Variants in FKBP5 observed in about 807,000 individuals in gnomAD.
The protein encoded by FKBP5 is peptidyl-prolyl cis-trans isomerase FKBP5.
In FKBP5, 23 loss-of-function variants were observed where a neutral mutation model predicts 50.5. The ratio of observed to expected loss-of-function variants is 0.46; its 90% CI spans 0.33 to 0.65. The LOEUF (loss-of-function observed/expected upper bound fraction) is 0.65, where lower values mean the gene tolerates loss of function less well. FKBP5 is among the 30% of genes least tolerant of loss of function. FKBP5 has a pLI of 0.02. For synonymous variants in FKBP5, 176 were observed against 190.6 expected (o/e 0.92, Z 0.63); for missense variants, 411 against 553.1 (o/e 0.74, Z 2.58).
chr6:35,577,335 T>A, intron 9 of FKBP5, 102 bp from the exon 10 acceptor site: 2 of 1,090,936 alleles, frequency 1.8e-6, no homozygotes, highest in Admixed American at 2.5e-5. Context: ...AAAGTGTATT[T>A]AAAAAAATGG....
At chr6:35,623,752 CTT>C (rs781042802) in intron 3 of FKBP5, among the ~76,000 whole-genome samples, 23 of 141,952 alleles carry the variant, frequency 1.6e-4, no homozygotes, top group Admixed American at 1.4e-4. Context: ...TTTTCTTCTT[CTT>C]TTTTTTTTTT....
At chr6:35,691,130 C>T (rs966053228), upstream of FKBP5, among the ~76,000 whole-genome samples, 1 of 152,194 alleles carries the variant, frequency 6.6e-6, no homozygotes, top group Non-Finnish European at 1.5e-5. Flanking sequence ...CAGTGACATA[C>T]ACGTAACATG....
In FKBP5 at chr6:35,622,532, G is replaced by GT. The variant is rs540343625; in HGVS notation, c.251-2259dup. ...TCTCTTAAAAAAAAAAAAAAATCAA[G>GT]TAATACATGCCTATTATTAAAACAC... On this transcript the variant is annotated intron_variant, in intron 3 of 10. Coordinates refer to ENST00000357266, the MANE Select transcript of FKBP5 (RefSeq NM_004117.4). Among the ~76,000 whole-genome samples, 143 of 151,504 alleles carry GT rather than the reference G, an allele frequency of 9.4e-4. 1 individual carries two copies. Among genetic ancestry groups the GT allele is most frequent in the African/African-American group, 3.4e-3 (139 of 41,340 alleles).
intron 1 of FKBP5, among the ~76,000 whole-genome samples, chr6:35,647,237 AC>A (rs1178964970): frequency 6.6e-6 from 1 of 152,124 alleles, no homozygotes; most frequent in Admixed American, 6.5e-5. Context: ...AAACAAAAAA[AC>A]CCCAGAAAAT....
chr6:35,658,012 C>T (rs1289703855), intron 1 of FKBP5, among the ~76,000 whole-genome samples: 2 of 149,470 alleles, frequency 1.3e-5, no homozygotes, highest in African/African-American at 2.5e-5. Context: ...AGGCAGATCA[C>T]GAGGTCAGGA....
chr6:35,619,409 T>C (rs1763758668), intron 4 of FKBP5, among the ~76,000 whole-genome samples, 199 bp from the exon 5 acceptor site: 1 of 150,922 alleles, frequency 6.6e-6, no homozygotes, highest in African/African-American at 2.4e-5. Flanking sequence ...TGGAAAGAAT[T>C]TCATGTAATG....
chr6:35,574,562 C>CAT lies in FKBP5; in HGVS notation c.*1271_*1272dup, dbSNP rs1762156921. The CAT allele has an allele frequency of 6.6e-6, 1 of 152,278 alleles. No individual in the cohort carries two copies. The highest frequency in any genetic ancestry group is 6.5e-5 in the Admixed American group (1 of 15,274). 9.4% of individuals were successfully genotyped at this position (152,278 alleles called of 1,614,324 possible). On this transcript the variant is annotated 3_prime_UTR_variant, in exon 11 of 11. Transcript: ENST00000357266. ...ATTTAGGCTACTGGCTGTGTACCGG[C>CAT]ATGGGAAGCTGTCTTCAACTCTTTC... is the stretch of plus-strand genomic sequence containing the variant.
At chr6:35,711,080 G>A (rs1427036465) in intron 2 of FKBP5, among the ~76,000 whole-genome samples, 3 of 152,142 alleles carry the variant, frequency 2.0e-5, no homozygotes, top group African/African-American at 4.8e-5. Context: ...ATCACTTTGG[G>A]AGGCTGAGGT....
At chr6:35,584,087 T>C (rs1304339161) in intron 8 of FKBP5, 2 of 985,328 alleles carry the variant, frequency 2.0e-6, no homozygotes, top group African/African-American at 1.7e-5. Flanking sequence ...ACTGACCAGG[T>C]GTGAGTTAAT....
chr6:35,620,391 TG>T, intron 3 of FKBP5, 117 bp from the exon 4 acceptor site: 1 of 1,042,528 alleles, frequency 9.6e-7, no homozygotes, highest in Non-Finnish European at 1.4e-6. Flanking sequence ...CTAGAAAGTA[TG>T]GGCTACAAGA....
intron 6 of FKBP5, among the ~76,000 whole-genome samples, chr6:35,596,624 A>G (rs1396957615): frequency 2.0e-5 from 3 of 152,164 alleles, no homozygotes; most frequent in African/African-American, 7.2e-5. Context: ...AAGACAGAAG[A>G]GTTGGATTCA....
intron 1 of FKBP5, among the ~76,000 whole-genome samples, chr6:35,684,002 G>A (rs1282189340): frequency 3.3e-5 from 5 of 151,976 alleles, no homozygotes; most frequent in Admixed American, 2.0e-4. Context: ...TGCAGTGAGC[G>A]GAGACTGTAC....
chr6:35,604,575 A>T (rs1364616389), intron 5 of FKBP5, among the ~76,000 whole-genome samples: 1 of 151,606 alleles, frequency 6.6e-6, no homozygotes, highest in Non-Finnish European at 1.5e-5. Context: ...CAGCTCCATC[A>T]GATCTCAATA....
Position 35,591,119 on chromosome 6 carries a change from T to C in FKBP5, c.756+11A>G. The C allele has an allele frequency of 1.9e-6, 3 of 1,577,202 alleles. No homozygotes were observed. Among genetic ancestry groups the C allele is most frequent in the Non-Finnish European group, 2.6e-6 (3 of 1,152,928 alleles). On this transcript the variant is annotated intron_variant, in intron 7 of 10. Transcript: ENST00000357266. ...CCTACCATAATTTTAAGGAAGTTGG[T>C]ATTTTCTCACCTTTTCGAAGCTCTT...
chr6:35,627,928 ATTTTTT>A (rs35468991), intron 3 of FKBP5, among the ~76,000 whole-genome samples: 1 of 108,474 alleles, frequency 9.2e-6, no homozygotes, highest in African/African-American at 3.7e-5. Context: ...TGCCCAGCTA[ATTTTTT>A]TTTTTTTTTT....
intron 1 of FKBP5, among the ~76,000 whole-genome samples, chr6:35,668,630 C>CT (rs901690300): frequency 8.6e-5 from 13 of 150,818 alleles, no homozygotes; most frequent in South Asian, 6.3e-4. Flanking sequence ...TTTTTTTCTT[C>CT]TTTTTTTTGT....
intron 7 of FKBP5, among the ~76,000 whole-genome samples, chr6:35,590,636 T>G (rs1253892404): frequency 6.6e-6 from 1 of 152,072 alleles, no homozygotes; most frequent in Non-Finnish European, 1.5e-5. Flanking sequence ...TTCTTGTATC[T>G]CTGGTCACAG....
intron 5 of FKBP5, among the ~76,000 whole-genome samples, chr6:35,612,265 C>A (rs1198667101): frequency 6.6e-6 from 1 of 152,134 alleles, no homozygotes. Context: ...GTGGCACGTG[C>A]CTGTAGTCCT....
At chr6:35,714,850 A>G (rs1367737479) in intron 2 of FKBP5, among the ~76,000 whole-genome samples, 2 of 152,052 alleles carry the variant, frequency 1.3e-5, no homozygotes, top group Non-Finnish European at 2.9e-5. Context: ...CTATAAAAAT[A>G]AAATAGGTTT....
Sources: gnomAD v4.1 joint callset for allele counts (sites outside exome capture counted in the v4.1 genomes callset) on GRCh38, gnomAD v4.1.1 for gene constraint, MANE v1.5 for transcripts, NCBI Gene and HGNC (gene_info 2026-07-23, HGNC 2026-07-21) for gene names.